STK32C: variants seen among roughly 807,000 people sequenced by gnomAD.
STK32C encodes the protein serine/threonine-protein kinase 32C.
STK32C carries 31 observed loss-of-function variants against 56.5 expected under a neutral mutation model. The observed-to-expected ratio is 0.55, with a 90% CI of 0.41 to 0.74. The LOEUF is 0.74. Ranked by LOEUF, STK32C falls within the 30% of genes least tolerant of loss-of-function variation. The pLI, the probability that STK32C is intolerant of heterozygous loss-of-function variation, is 0.00. For missense variants in STK32C, 544 were observed against 676.9 expected, an observed-to-expected ratio of 0.80 and a Z score of 2.18; for synonymous variants, 309 against 289.4, an observed-to-expected ratio of 1.07 and a Z score of -0.69.
At chr10:132,219,768 G>A (rs536969205) in intron 10 of STK32C, among the ~76,000 whole-genome samples, 2 of 152,258 alleles carry the variant, frequency 1.3e-5, no homozygotes, top group South Asian at 4.2e-4. Context: ...CAAAATCAGG[G>A]CACCCAGGGC....
chr10:132,304,973 C>G (rs1027015450), intron 1 of STK32C, among the ~76,000 whole-genome samples: 16 of 152,216 alleles, frequency 1.1e-4, no homozygotes, highest in African/African-American at 3.9e-4. Flanking sequence ...GGTTGCAGAG[C>G]TGCTTAGCGG....
At chr10:132,226,714 C>G in intron 4 of STK32C, 81 bp downstream of exon 4, 3 of 1,519,034 alleles carry the variant, frequency 2.0e-6, no homozygotes, top group South Asian at 1.2e-5. Flanking sequence ...GGAGTACGGC[C>G]GCCGTGCCGG....
At chr10:132,249,210 T>A (rs1056788900) in intron 1 of STK32C, 2 of 361,050 alleles carry the variant, frequency 5.5e-6, no homozygotes, top group Non-Finnish European at 1.1e-5. Flanking sequence ...GGCCGTGGGG[T>A]TGCGGGAGTG....
chr10:132,321,561 C>T (rs775348241), downstream of STK32C, among the ~76,000 whole-genome samples: 3 of 152,130 alleles, frequency 2.0e-5, no homozygotes, highest in East Asian at 1.9e-4. Flanking sequence ...CGGGCATGGT[C>T]GTTCATGCCT....
intron 1 of STK32C, chr10:132,324,492 A>C: frequency 1.7e-6 from 1 of 598,812 alleles, no homozygotes; most frequent in Non-Finnish European, 3.0e-6. Context: ...GCAGAGCAGA[A>C]ATGGAATCAG....
intron 1 of STK32C, among the ~76,000 whole-genome samples, chr10:132,315,231 A>G (rs1486079882): frequency 1.3e-5 from 2 of 151,844 alleles, no homozygotes; most frequent in African/African-American, 4.8e-5. Flanking sequence ...AAAACCAAAC[A>G]CCACATGTTC....
At chr10:132,251,538 A>T (rs2063905378) in intron 1 of STK32C, among the ~76,000 whole-genome samples, 1 of 150,796 alleles carries the variant, frequency 6.6e-6, no homozygotes, top group Non-Finnish European at 1.5e-5. Context: ...CCATCTCTTT[A>T]CCCCACCTCG....
chr10:132,260,691 T>C (rs1037006523), intron 1 of STK32C, among the ~76,000 whole-genome samples: 1 of 152,170 alleles, frequency 6.6e-6, no homozygotes, highest in African/African-American at 2.4e-5. Flanking sequence ...CGTGATCGAG[T>C]CTGTGCCCCA....
Position 132,307,699 on chromosome 10 carries a change from G to A in STK32C, c.135C>T (p.Ala45=). The A allele has an allele frequency of 6.8e-7, 1 of 1,473,938 alleles. No homozygotes were observed. Among genetic ancestry groups the A allele is most frequent in the Non-Finnish European group, 9.0e-7 (1 of 1,107,406 alleles). 91.3% of individuals were successfully genotyped at this position (1,473,938 alleles called of 1,614,324 possible). Residue 45 remains alanine, a synonymous_variant, in exon 1 of 12, where the codon GCC becomes GCT. Coordinates refer to ENST00000298630, the MANE Select transcript of STK32C (RefSeq NM_173575.4). This position sits in a 1 kb window ranked among gnomAD's most constrained non-coding sequence, Gnocchi z 4.4. ...LPPPAAGQPR[A]RDSGDVRSQP... is the part of the protein sequence containing the mutation. The stretch of plus-strand genomic sequence containing the variant: ...GCGAGCGGACATCGCCCGAGTCCCG[G>A]GCCCGGGGCTGGCCAGCAGCGGGCG...
chr10:132,225,834 T>C, intron 4 of STK32C, 50 bp from the exon 5 acceptor site: 1 of 1,611,226 alleles, frequency 6.2e-7, no homozygotes, highest in Non-Finnish European at 8.5e-7. Flanking sequence ...GCCCTGTTTC[T>C]GCCCTGGAAT....
intron 2 of STK32C, among the ~76,000 whole-genome samples, chr10:132,230,690 G>GGT (rs1554977866): frequency 1.4e-5 from 2 of 144,114 alleles, no homozygotes; most frequent in Non-Finnish European, 3.1e-5. Flanking sequence ...GGGGGGGGGG[G>GGT]GGCTGCAGAG....
At chr10:132,279,699 C>T (rs138706292) in intron 1 of STK32C, among the ~76,000 whole-genome samples, 5 of 151,228 alleles carry the variant, frequency 3.3e-5, no homozygotes, top group South Asian at 2.1e-4. Context: ...CACTCCACTC[C>T]GTGATCACGA....
intron 1 of STK32C, among the ~76,000 whole-genome samples, chr10:132,325,536 G>A (rs531291624): frequency 6.7e-6 from 1 of 148,400 alleles, no homozygotes; most frequent in South Asian, 2.2e-4. Context: ...CTGGGTGACA[G>A]AGCAAGAGTC....
chr10:132,230,709 T>G (rs2063070940), intron 2 of STK32C, among the ~76,000 whole-genome samples: 1 of 121,222 alleles, frequency 8.2e-6, no homozygotes, highest in African/African-American at 3.3e-5. Flanking sequence ...AGCCCACCTC[T>G]GCCTGGAGCG....
At chr10:132,286,654 G>A (rs367755398) in intron 1 of STK32C, among the ~76,000 whole-genome samples, 18 of 152,222 alleles carry the variant, frequency 1.2e-4, no homozygotes, top group Admixed American at 2.0e-4. Flanking sequence ...AAATCATCAC[G>A]TCCACAAATA....
intron 1 of STK32C, among the ~76,000 whole-genome samples, chr10:132,254,650 C>T (rs982603921): frequency 7.8e-5 from 4 of 51,226 alleles, no homozygotes; most frequent in African/African-American, 1.6e-4. Flanking sequence ...CGCAGGGCGC[C>T]GGGAATCAGC....
chr10:132,286,036 G>A (rs1039786948), intron 1 of STK32C, among the ~76,000 whole-genome samples: 1 of 151,926 alleles, frequency 6.6e-6, no homozygotes, highest in African/African-American at 2.4e-5. Flanking sequence ...TGAGGCAGGA[G>A]AATGGCGTGA....
At chr10:132,269,206 T>G (rs1257107239) in intron 1 of STK32C, among the ~76,000 whole-genome samples, 1 of 151,482 alleles carries the variant, frequency 6.6e-6, no homozygotes, top group Non-Finnish European at 1.5e-5. Flanking sequence ...TGTGCATGCA[T>G]GTGCCTGTGG....
In STK32C at chr10:132,307,898, G is replaced by T; in HGVS notation, c.-65C>A. ...ATGGCCGGCCGGCAGGGCCGGGAGCGGCAGTGGTAGCGGGAGCGCTCGGGG... is the reference window on the plus strand; with the variant it reads ...ATGGCCGGCCGGCAGGGCCGGGAGCTGCAGTGGTAGCGGGAGCGCTCGGGG... On this transcript the variant is annotated 5_prime_UTR_variant, in exon 1 of 12. Coordinates refer to ENST00000298630, the MANE Select transcript of STK32C (RefSeq NM_173575.4). The surrounding 1 kb of genome is among the most constrained non-coding windows in gnomAD (Gnocchi z 4.4). 4.4e-6 allele frequency: 5 copies of T among 1,127,388 alleles called. No homozygotes were observed. Among genetic ancestry groups the T allele is most frequent in the Non-Finnish European group, 5.5e-6 (5 of 916,420 alleles). 69.8% of individuals were successfully genotyped at this position (1,127,388 alleles called of 1,614,324 possible).
Sources: allele counts gnomAD v4.1 joint callset (sites outside exome capture counted in the v4.1 genomes callset), GRCh38; gene constraint gnomAD v4.1.1; non-coding constraint Gnocchi (gnomAD v3.1); transcripts MANE v1.5; gene names NCBI Gene and HGNC (gene_info 2026-07-23, HGNC 2026-07-21).